PHKG2: variants seen among roughly 807,000 people sequenced by gnomAD.
The protein encoded by PHKG2 is phosphorylase kinase catalytic subunit gamma 2.
PHKG2 carries 28 observed loss-of-function variants against 44.5 expected under a neutral mutation model. That is an observed-to-expected ratio of 0.63 (90% CI 0.47 to 0.86). The LOEUF (loss-of-function observed/expected upper bound fraction) is 0.86, where lower values mean the gene tolerates loss of function less well. Ranked by LOEUF, PHKG2 falls within the 40% of genes least tolerant of loss-of-function variation. PHKG2 has a pLI of 0.00. For missense variants in PHKG2, 498 were observed against 547.5 expected (o/e 0.91, Z 0.90); for synonymous variants, 220 against 211.2 (o/e 1.04, Z -0.36).
At position 30,760,001 on chromosome 16, in the gene PHKG2, C is replaced by T; in HGVS notation, c.*2904C>T. 2.7e-6 allele frequency: 4 copies of T among 1,466,932 alleles called. No individual in the cohort carries two copies. Among genetic ancestry groups the T allele is most frequent in the Non-Finnish European group, 3.6e-6 (4 of 1,116,252 alleles). 90.9% of individuals were successfully genotyped at this position (1,466,932 alleles called of 1,614,324 possible). ...TAGATCATTTCAGCTATTAAACATT[C>T]TGAAGCAAGAGCTATTAAACATTCT... is the stretch of plus-strand genomic sequence containing the variant. On this transcript the variant is annotated 3_prime_UTR_variant, in exon 10 of 10. Transcript: ENST00000563588.
At position 30,756,570 on chromosome 16, in the gene PHKG2, A is replaced by G; in HGVS notation, c.802-20A>G. ...AGGGGAGGCCCAAGAGCTGCCCCTC[A>G]TGCTCTGGGTCTCTCCTAGATCTCC... On this transcript the variant is annotated intron_variant, in intron 8 of 9. Transcript: ENST00000563588. 1 of 1,613,466 alleles carries G rather than the reference A, an allele frequency of 6.2e-7. No individual in the cohort carries two copies. Among genetic ancestry groups the G allele is most frequent in the Non-Finnish European group, 8.5e-7 (1 of 1,179,998 alleles).
At position 30,757,551 on chromosome 16, in the gene PHKG2, C is replaced by T; in HGVS notation, c.*454C>T. The T allele has an allele frequency of 6.2e-7, 1 of 1,614,222 alleles. No homozygotes were observed. Among genetic ancestry groups the T allele is most frequent in the Non-Finnish European group, 8.5e-7 (1 of 1,180,034 alleles). ...CTAGTGCAGTCAACTTGCTGCTGAG[C>T]CTTTCCTCGCTGGCCTTGAGCCGCT... On this transcript the variant is annotated 3_prime_UTR_variant, in exon 10 of 10. Transcript: ENST00000563588.
Position 30,757,402 on chromosome 16 carries a change from C to A in PHKG2, c.*305C>A. ...TGTCTGTCTGGCTTGGGCAGGAAAG[C>A]CCAGAAGGTGCTCAGCAGGGTGCAG... On this transcript the variant is annotated 3_prime_UTR_variant, in exon 10 of 10. Coordinates refer to ENST00000563588, the MANE Select transcript of PHKG2 (RefSeq NM_000294.3). 6.4e-7 allele frequency: 1 copy of A among 1,554,374 alleles called. No individual in the cohort carries two copies. Among genetic ancestry groups the A allele is most frequent in the Admixed American group, 1.9e-5 (1 of 52,756 alleles).
At position 30,756,824 on chromosome 16, in the gene PHKG2, G is replaced by T; in HGVS notation, c.948G>T (p.Leu316=). The change falls in exon 10 of 10, where the codon CTG becomes CTT. Residue 316 remains leucine, a synonymous_variant. Coordinates refer to ENST00000563588, the MANE Select transcript of PHKG2 (RefSeq NM_000294.3). ...CCCAGGTGGCAGTGTGGACAGTGCT[G>T]GCTGCTGGACGAGTGGCCCTAAGCA... ...QRFRVAVWTV[L]AAGRVALSTH... 6.2e-7 allele frequency: 1 copy of T among 1,614,146 alleles called. No homozygotes were observed. The highest frequency in any genetic ancestry group is 8.5e-7 in the Non-Finnish European group (1 of 1,180,034).
intron 6 of PHKG2, among the ~76,000 whole-genome samples, chr16:30,755,708 A>G (rs2053412231): frequency 1.3e-5 from 2 of 152,044 alleles, no homozygotes; most frequent in Admixed American, 1.3e-4. Context: ...CCTTATCTCC[A>G]CTTCTTCCCC....
At position 30,760,880 on chromosome 16, in the gene PHKG2, AT is replaced by A; in HGVS notation, c.*3785del. 1 of 622,232 alleles carries A rather than the reference AT, an allele frequency of 1.6e-6. No homozygotes were observed. The allele number at this position is 622,232 out of a possible 1,614,324, so 38.5% of individuals were successfully genotyped here. On this transcript the variant is annotated 3_prime_UTR_variant, in exon 10 of 10. Transcript: ENST00000563588. ...TAAAGCCTAGGGTTAGGAATCTTGA[AT>A]TCTTTTTTCTGCTCTGCCACTACCT... is the stretch of plus-strand genomic sequence containing the variant.
rs761003739 is a variant in PHKG2 at position 30,759,058 on chromosome 16, C to CG, written c.*1965dup. The CG allele has an allele frequency of 9.3e-6, 15 of 1,614,104 alleles. No homozygotes were observed. The highest frequency in any genetic ancestry group is 1.3e-5 in the Non-Finnish European group (15 of 1,180,030). The stretch of plus-strand genomic sequence containing the variant: ...CCACTGTCTCTAGTTCCTCTTTCTG[C>CG]GGGGTAACTGCCTGCTCCTCCATCT... On this transcript the variant is annotated 3_prime_UTR_variant, in exon 10 of 10. Transcript: ENST00000563588.
chr16:30,759,788 A>C lies in PHKG2; in HGVS notation c.*2691A>C, dbSNP rs1237985602. On this transcript the variant is annotated 3_prime_UTR_variant, in exon 10 of 10. Transcript: ENST00000563588. ...TGGTATCCATTCATTCACTTCACTC[A>C]ACAGCTGTTTATGACCATGAGCTTC... The C allele has an allele frequency of 6.5e-7, 1 of 1,545,194 alleles. No individual in the cohort carries two copies. The highest frequency in any genetic ancestry group is 8.7e-7 in the Non-Finnish European group (1 of 1,148,828).
intron 4 of PHKG2, chr16:30,751,836 G>A (rs1000351483): frequency 7.3e-6 from 4 of 544,940 alleles, no homozygotes; most frequent in Admixed American, 5.3e-5. Flanking sequence ...GCTCACGCCT[G>A]TAATCCCAGC....
intron 4 of PHKG2, chr16:30,752,693 A>G (rs2053367928): frequency 6.2e-6 from 1 of 162,360 alleles, no homozygotes; most frequent in Admixed American, 6.0e-5. Context: ...GGACGTAAGG[A>G]TGTCTATTAT....
In PHKG2 at chr16:30,753,273, T is replaced by G; in HGVS notation, c.368T>G (p.Val123Gly). The G allele has an allele frequency of 6.2e-7, 1 of 1,613,908 alleles. No individual in the cohort carries two copies. The highest frequency in any genetic ancestry group is 8.5e-7 in the Non-Finnish European group (1 of 1,179,904). ...CTGTTTGACTATCTCACAGAGAAGG[T>G]GGCCCTCTCTGAAAAGGAAACCAGG... ...GELFDYLTEK[V>G]ALSEKETRSI... Residue 123 changes from valine to glycine, a missense_variant, in exon 5 of 10, where the codon GTG (valine) becomes GGG (glycine). Physicochemically the swap from Val to Gly is moderately radical, Grantham distance 109. Transcript: ENST00000563588.
At position 30,753,262 on chromosome 16, in the gene PHKG2, C is replaced by G. The variant is rs763509347; in HGVS notation, c.357C>G (p.Leu119=). 4.5e-5 allele frequency: 72 copies of G among 1,613,950 alleles called. No individual in the cohort carries two copies. Among genetic ancestry groups the G allele is most frequent in the South Asian group, 1.6e-4 (15 of 91,082 alleles). ...LMRKGELFDY[L]TEKVALSEKE... ...GGAAGGGAGAGCTGTTTGACTATCT[C>G]ACAGAGAAGGTGGCCCTCTCTGAAA... Residue 119 remains leucine (L), a synonymous_variant, in exon 5 of 10, where the codon CTC becomes CTG. Transcript: ENST00000563588.
intron 2 of PHKG2, 77 bp from the exon 3 acceptor site, chr16:30,751,029 G>A: frequency 1.4e-6 from 2 of 1,456,516 alleles, no homozygotes; most frequent in South Asian, 2.3e-5. Context: ...CAGCGGGCAT[G>A]AGGATGCTGA....
rs764699954 is a variant in PHKG2, at chr16:30,751,270, A to AC, written c.265dup (p.His89ProfsTer13). The AC allele has an allele frequency of 4.3e-6, 7 of 1,609,326 alleles. No individual in the cohort carries two copies. The highest frequency in any genetic ancestry group is 5.9e-6 in the Non-Finnish European group (7 of 1,179,924). On this transcript the variant is annotated frameshift_variant, in exon 3 of 10. Coordinates refer to ENST00000563588, the MANE Select transcript of PHKG2 (RefSeq NM_000294.3). LOFTEE classifies it high-confidence loss of function. The stretch of plus-strand genomic sequence containing the variant: ...CACATCCTTCGCCAGGTCGCCGGCC[A>AC]CCCCCACATCAGTGAGGCTGTCTTC...
chr16:30,753,008 T>C (rs2151307931), intron 4 of PHKG2: 1 of 601,770 alleles, frequency 1.7e-6, no homozygotes, highest in Non-Finnish European at 3.0e-6. Context: ...AGAAGTCTCT[T>C]ATTTTTGCCA....
rs778847073 is a variant in PHKG2 at position 30,756,853 on chromosome 16, A to G, written c.977A>G (p.His326Arg). ...LAAGRVALST[H>R]RVRPLTKNAL... ...GCTGGACGAGTGGCCCTAAGCACCCATCGTGTACGGCCACTGACCAAGAAT... is the reference window on the plus strand; with the variant it reads ...GCTGGACGAGTGGCCCTAAGCACCCGTCGTGTACGGCCACTGACCAAGAAT... Residue 326 changes from histidine to arginine, a missense_variant, in exon 10 of 10, where the codon CAT becomes CGT. Physicochemically the swap from His to Arg is conservative, Grantham distance 29. Coordinates refer to ENST00000563588, the MANE Select transcript of PHKG2 (RefSeq NM_000294.3). 1.9e-6 allele frequency: 3 copies of G among 1,614,122 alleles called. No homozygotes were observed. The highest frequency in any genetic ancestry group is 1.7e-5 in the Admixed American group (1 of 60,024).
rs2053746914 is a variant in PHKG2, at chr16:30,761,093, TCA to T, written c.*3997_*3998del. On this transcript the variant is annotated 3_prime_UTR_variant, in exon 10 of 10. Transcript: ENST00000563588. The stretch of plus-strand genomic sequence containing the variant: ...CCTGGAGTAATTGCATCTCCAGGCC[TCA>T]GTCTCATCTGTAAAATGGGGATGCC... The T allele has an allele frequency of 2.3e-6, 3 of 1,324,356 alleles. No individual in the cohort carries two copies. The highest frequency in any genetic ancestry group is 2.9e-5 in the African/African-American group (2 of 68,852). The allele number at this position is 1,324,356 out of a possible 1,614,324, so 82.0% of individuals were successfully genotyped here.
rs1002584684 is a variant in PHKG2 at position 30,759,380 on chromosome 16, G to A, written c.*2283G>A. ...ACGTATTTATAGAGCTTGAAGTGGC[G>A]GAAGTAAGTGTTGACCACGTAGTCT... On this transcript the variant is annotated 3_prime_UTR_variant, in exon 10 of 10. Coordinates refer to ENST00000563588, the MANE Select transcript of PHKG2 (RefSeq NM_000294.3). The A allele has an allele frequency of 4.3e-6, 7 of 1,614,228 alleles. No homozygotes were observed. The highest frequency in any genetic ancestry group is 1.1e-5 in the South Asian group (1 of 91,090).
chr16:30,751,503 A>G (rs2151307083), intron 3 of PHKG2, 46 bp from the exon 4 acceptor site: 2 of 1,548,138 alleles, frequency 1.3e-6, no homozygotes, highest in South Asian at 1.1e-5. Flanking sequence ...ATGTGCATCC[A>G]CTCCTTTCCA....
Sources: allele counts gnomAD v4.1 joint callset (sites outside exome capture counted in the v4.1 genomes callset), GRCh38; gene constraint gnomAD v4.1.1; transcripts MANE v1.5; gene names NCBI Gene and HGNC (gene_info 2026-07-23, HGNC 2026-07-21).